TRAF3: variants seen among roughly 807,000 people sequenced by gnomAD.
The protein encoded by TRAF3 is TNF receptor-associated factor 3.
TRAF3 carries 13 observed loss-of-function variants against 62.3 expected under a neutral mutation model. The observed-to-expected ratio is 0.21, with a 90% CI of 0.14 to 0.33. TRAF3 has a LOEUF of 0.33. TRAF3 is among the 10% of genes least tolerant of loss of function. The pLI is 1.00. For synonymous variants in TRAF3, 269 were observed against 283.4 expected, an observed-to-expected ratio of 0.95 and a Z score of 0.51; for missense variants, 440 against 741.8, an observed-to-expected ratio of 0.59 and a Z score of 4.73.
intron 2 of TRAF3, among the ~76,000 whole-genome samples, chr14:102,841,723 A>G (rs1886384665): frequency 6.6e-6 from 1 of 152,256 alleles, no homozygotes; most frequent in Admixed American, 6.5e-5. Context: ...AATAATTACC[A>G]GGTATGCAGA....
chr14:102,870,078 C>T, intron 2 of TRAF3, 107 bp from the exon 3 acceptor site: 1 of 1,373,464 alleles, frequency 7.3e-7, no homozygotes, highest in Non-Finnish European at 1.0e-6. Flanking sequence ...TCTTGTGTTG[C>T]CTAAAACTGA....
chr14:102,833,126 G>T (rs1885750654), intron 2 of TRAF3, among the ~76,000 whole-genome samples: 1 of 152,126 alleles, frequency 6.6e-6, no homozygotes, highest in African/African-American at 2.4e-5. Context: ...CACTCTTATT[G>T]CTGGTGTTCT....
At chr14:102,895,340 G>T in intron 9 of TRAF3, 1 of 265,906 alleles carries the variant, frequency 3.8e-6, no homozygotes, top group East Asian at 1.2e-4. Context: ...ATACATACTT[G>T]TTTTAAAATA....
intron 2 of TRAF3, among the ~76,000 whole-genome samples, chr14:102,850,401 G>GAAT (rs1388533469): frequency 6.6e-6 from 1 of 152,156 alleles, no homozygotes; most frequent in Non-Finnish European, 1.5e-5. Context: ...GAAGACTGCA[G>GAAT]AATAAGAATT....
chr14:102,835,552 T>C (rs1263154450), intron 2 of TRAF3, among the ~76,000 whole-genome samples: 1 of 152,232 alleles, frequency 6.6e-6, no homozygotes, highest in African/African-American at 2.4e-5. Flanking sequence ...ATTTATATCA[T>C]GGGGTACGAT....
intron 6 of TRAF3, among the ~76,000 whole-genome samples, chr14:102,883,014 C>CTACA (rs1889156407): frequency 6.6e-6 from 1 of 152,190 alleles, no homozygotes; most frequent in East Asian, 1.9e-4. Flanking sequence ...TGGTACAAGT[C>CTACA]TGTAGGTATG....
At chr14:102,779,050 A>G (rs1337236077) in intron 1 of TRAF3, among the ~76,000 whole-genome samples, 2 of 152,232 alleles carry the variant, frequency 1.3e-5, no homozygotes, top group Non-Finnish European at 2.9e-5. Flanking sequence ...AGCCTTATCG[A>G]TATGAAAACT....
At chr14:102,902,621 C>T (rs567541763) in intron 10 of TRAF3, among the ~76,000 whole-genome samples, 127 of 152,336 alleles carry the variant, frequency 8.3e-4, no homozygotes, top group African/African-American at 3.0e-3. Context: ...AGCAGGGACC[C>T]TCTGTATTAT....
At chr14:102,870,034 T>G (rs1888240778) in intron 2 of TRAF3, among the ~76,000 whole-genome samples, 151 bp from the exon 3 acceptor site, 1 of 152,116 alleles carries the variant, frequency 6.6e-6, no homozygotes. Flanking sequence ...TTGATCATGT[T>G]TTGTTCCCAA....
chr14:102,891,295 G>C (rs752034706), intron 8 of TRAF3, 30 bp from the exon 9 acceptor site: 13 of 1,604,626 alleles, frequency 8.1e-6, no homozygotes, highest in Non-Finnish European at 1.1e-5. Context: ...AGCGAGGTTC[G>C]CTGAATGCCT....
chr14:102,873,394 G>A (rs772846617), intron 4 of TRAF3, among the ~76,000 whole-genome samples: 1 of 152,204 alleles, frequency 6.6e-6, no homozygotes, highest in Non-Finnish European at 1.5e-5. Flanking sequence ...GTACTCGGCC[G>A]CCTTGTTAAC....
intron 1 of TRAF3, among the ~76,000 whole-genome samples, chr14:102,787,051 A>G (rs552268236): frequency 4.6e-5 from 7 of 152,254 alleles, no homozygotes; most frequent in African/African-American, 1.7e-4. Flanking sequence ...TAAGAACCTA[A>G]TATTTCAGAA....
intron 2 of TRAF3, among the ~76,000 whole-genome samples, chr14:102,834,236 C>T (rs558670768): frequency 6.6e-5 from 10 of 152,148 alleles, no homozygotes; most frequent in South Asian, 6.3e-4. Flanking sequence ...CAGCATGGTA[C>T]GGGTACAAAA....
chr14:102,810,787 G>A (rs1454705142), intron 1 of TRAF3: 1 of 152,338 alleles, frequency 6.6e-6, no homozygotes, highest in African/African-American at 2.4e-5. Context: ...CTGCATGGAG[G>A]AGGTCAGTGT....
In TRAF3 at chr14:102,887,835, T is replaced by A. The variant is rs183451752; in HGVS notation, c.651+1566T>A. 5.9e-5 allele frequency among the ~76,000 whole-genome samples: 9 copies of A among 152,208 alleles called. No individual in the cohort carries two copies. The East Asian group carries it at 1.7e-3, about 29-fold the overall frequency. Reference sequence around the variant, plus strand: ...TGGTCTCCGTCTCCTGACCTCGTGATTTGCCCGCCTCGGCCTCCTAAGGTG... The same window carrying A: ...TGGTCTCCGTCTCCTGACCTCGTGAATTGCCCGCCTCGGCCTCCTAAGGTG... On this transcript the variant is annotated intron_variant, in intron 7 of 11. Coordinates refer to ENST00000392745, the MANE Select transcript of TRAF3 (RefSeq NM_145725.3).
rs76334892 is a variant in TRAF3 at position 102,897,468 on chromosome 14, T to G, written c.960+67T>G. On this transcript the variant is annotated intron_variant, in intron 10 of 11. Coordinates refer to ENST00000392745, the MANE Select transcript of TRAF3 (RefSeq NM_145725.3). The stretch of plus-strand genomic sequence containing the variant: ...GCTTGCCTGTGTTCCCCTTAAGGGT[T>G]TCTTAGCAAACTCTTTGAGCTGAGT... 9.7e-3 allele frequency: 15,475 copies of G among 1,594,450 alleles called. 104 individuals are homozygous for G. Among genetic ancestry groups the G allele is most frequent in the Non-Finnish European group, 0.012 (13,585 of 1,166,786 alleles).
At chr14:102,812,249 TGTG>T (rs1339331728) in intron 1 of TRAF3, among the ~76,000 whole-genome samples, 1 of 152,098 alleles carries the variant, frequency 6.6e-6, no homozygotes, top group Non-Finnish European at 1.5e-5. Flanking sequence ...AGTGAGAACA[TGTG>T]GTGTTTAACT....
intron 1 of TRAF3, among the ~76,000 whole-genome samples, chr14:102,793,875 C>T (rs1897932577): frequency 2.0e-5 from 3 of 152,216 alleles, no homozygotes; most frequent in Admixed American, 2.0e-4. Context: ...TCTCATGGTT[C>T]TGTGGGCTGA....
intron 4 of TRAF3, among the ~76,000 whole-genome samples, chr14:102,874,601 G>C (rs1255728424): frequency 6.6e-6 from 1 of 151,198 alleles, no homozygotes; most frequent in African/African-American, 2.4e-5. Context: ...GAATACTTGT[G>C]TTTTCTAAGG....
Sources: gnomAD v4.1 joint callset for allele counts (sites outside exome capture counted in the v4.1 genomes callset) on GRCh38, gnomAD v4.1.1 for gene constraint, MANE v1.5 for transcripts, NCBI Gene and HGNC (gene_info 2026-07-23, HGNC 2026-07-21) for gene names.